CECR2: variants seen among roughly 807,000 people sequenced by gnomAD.
CECR2 encodes the protein CECR2 histone acetyl-lysine reader, also known as chromatin remodeling regulator CECR2.
A neutral mutation model predicts 154.5 loss-of-function variants in CECR2; 30 were observed. The observed-to-expected ratio is 0.19, with a 90% CI of 0.15 to 0.26. The LOEUF is 0.26. Among genes scored for constraint, CECR2 ranks in the 10% least tolerant of loss-of-function variants. The pLI is 1.00. For synonymous variants in CECR2, 725 were observed against 683.7 expected (o/e 1.06, Z -0.94); for missense variants, 1,743 against 1,829.3 (o/e 0.95, Z 0.86).
intron 15 of CECR2, 81 bp from the exon 16 acceptor site, chr22:17,542,076 G>C: frequency 6.4e-7 from 1 of 1,571,320 alleles, no homozygotes; most frequent in South Asian, 1.2e-5. Flanking sequence ...TTCCCAAAGA[G>C]TCTGTTCCCA....
At chr22:17,447,433 G>A (rs1248211335) in intron 1 of CECR2, among the ~76,000 whole-genome samples, 2 of 151,838 alleles carry the variant, frequency 1.3e-5, no homozygotes, top group African/African-American at 4.8e-5. Context: ...GATTACAGGC[G>A]TGAGCCACCG....
intron 1 of CECR2, among the ~76,000 whole-genome samples, chr22:17,439,561 G>T (rs1167389394): frequency 6.6e-6 from 1 of 151,998 alleles, no homozygotes; most frequent in Admixed American, 6.6e-5. Flanking sequence ...TATCTGAAAA[G>T]ATCTGACTGG....
intron 1 of CECR2, among the ~76,000 whole-genome samples, chr22:17,376,016 G>A (rs1256661426): frequency 6.6e-6 from 1 of 151,536 alleles, no homozygotes; most frequent in Admixed American, 6.6e-5. Context: ...TAACATACTA[G>A]AGGATAAAAT....
intron 7 of CECR2, among the ~76,000 whole-genome samples, chr22:17,509,163 A>G (rs1488244334): frequency 6.6e-6 from 1 of 152,178 alleles, no homozygotes; most frequent in African/African-American, 2.4e-5. Context: ...AGGCAGAAGC[A>G]TTGCTTGAAC....
At chr22:17,404,739 T>C (rs182173131) in intron 1 of CECR2, among the ~76,000 whole-genome samples, 20 of 152,322 alleles carry the variant, frequency 1.3e-4, no homozygotes, top group Admixed American at 1.2e-3. Flanking sequence ...GTATCTTAAT[T>C]AGTGCAGCTT....
At chr22:17,451,450 A>G (rs2054768854) in intron 1 of CECR2, among the ~76,000 whole-genome samples, 1 of 152,166 alleles carries the variant, frequency 6.6e-6, no homozygotes, top group Non-Finnish European at 1.5e-5. Context: ...GCATAGCTCA[A>G]GGGGAAGCTA....
At position 17,542,448 on chromosome 22, in the gene CECR2, G is replaced by C; in HGVS notation, c.2305G>C (p.Val769Leu). The C allele has an allele frequency of 6.2e-7, 1 of 1,613,958 alleles. No individual in the cohort carries two copies. Among genetic ancestry groups the C allele is most frequent in the Non-Finnish European group, 8.5e-7 (1 of 1,179,892 alleles). ...TCGATCGTACAAGTACCTGAATCGA[G>C]TACACTCTGCCGTCTGGAATGGGAA... ...MYRSYKYLNR[V>L]HSAVWNGNHG... Residue 769 changes from valine (V) to leucine (L), a missense_variant, in exon 16 of 19, where the codon GTA (valine) becomes CTA (leucine). This residue lies in a region of CECR2 where 1,250 missense variants were observed against 1,192.1 expected (regional missense o/e 1.05). Transcript: ENST00000262608.
intron 1 of CECR2, among the ~76,000 whole-genome samples, chr22:17,405,171 AAGCTG>A (rs1478468468): frequency 6.6e-6 from 1 of 152,180 alleles, no homozygotes; most frequent in Admixed American, 6.5e-5. Flanking sequence ...GCACTTTGGG[AAGCTG>A]AGGCAGGCGG....
In CECR2 at chr22:17,549,209, C is replaced by T. The variant is rs751578696; in HGVS notation, c.3922C>T (p.Arg1308Trp). 20 of 1,613,916 alleles carry T rather than the reference C, an allele frequency of 1.2e-5. No individual in the cohort carries two copies. Among genetic ancestry groups the T allele is most frequent in the African/African-American group, 1.1e-4 (8 of 74,934 alleles). Residue 1308 changes from arginine (R) to tryptophan (W), a missense_variant, in exon 17 of 19, where the codon CGG becomes TGG. Physicochemically the swap from Arg to Trp is moderately radical, Grantham distance 101 (BLOSUM62 -3). This residue lies in a region of CECR2 where 1,250 missense variants were observed against 1,192.1 expected (regional missense o/e 1.05). Coordinates refer to ENST00000262608, the MANE Select transcript of CECR2 (RefSeq NM_001290047.2). ...DLDNHNAATKRQSSLSASEYL... is the reference protein window; with the variant it reads ...DLDNHNAATKWQSSLSASEYL... ...GGACAACCATAACGCAGCTACCAAG[C>T]GGCAGAGCTCGTTGTCAGCCAGCGA...
At chr22:17,540,083 T>A (rs959403309) in intron 13 of CECR2, among the ~76,000 whole-genome samples, 8 of 152,336 alleles carry the variant, frequency 5.3e-5, no homozygotes, top group African/African-American at 1.7e-4. Flanking sequence ...TCCTCCTGCC[T>A]TGGCCTCCCA....
Position 17,378,044 on chromosome 22 carries a change from C to T in CECR2, c.126+8135C>T, listed in dbSNP as rs1285717758. 6.0e-5 allele frequency among the ~76,000 whole-genome samples: 9 copies of T among 150,582 alleles called. No individual in the cohort carries two copies. In the South Asian group the frequency reaches 8.6e-4, roughly 14 times the overall value. Reference sequence around the variant, plus strand: ...TGTTGCCCAGGCTGGAGTGCAGTGGCGCTATCTTGGCTCACTGCAACCTCC... The same window carrying T: ...TGTTGCCCAGGCTGGAGTGCAGTGGTGCTATCTTGGCTCACTGCAACCTCC... On this transcript the variant is annotated intron_variant, in intron 1 of 18. Coordinates refer to ENST00000262608, the MANE Select transcript of CECR2 (RefSeq NM_001290047.2).
At chr22:17,538,279 G>C (rs2093673445) in intron 10 of CECR2, among the ~76,000 whole-genome samples, 1 of 152,204 alleles carries the variant, frequency 6.6e-6, no homozygotes, top group South Asian at 2.1e-4. Flanking sequence ...TAAAGTTCTG[G>C]ATCATCCAGG....
At position 17,548,979 on chromosome 22, in the gene CECR2, C is replaced by A; in HGVS notation, c.3692C>A (p.Pro1231His). Residue 1231 changes from proline (P) to histidine (H), a missense_variant, in exon 17 of 19, where the codon CCC becomes CAC. This residue lies in a region of CECR2 where 1,250 missense variants were observed against 1,192.1 expected (regional missense o/e 1.05). Coordinates refer to ENST00000262608, the MANE Select transcript of CECR2 (RefSeq NM_001290047.2). Reference sequence around the variant, plus strand: ...AGCGGACCCCCAGCCAGTCAGCCTCCCCCACCAAGGTCCCTCTTCTCAGAT... The same window carrying A: ...AGCGGACCCCCAGCCAGTCAGCCTCACCCACCAAGGTCCCTCTTCTCAGAT... ...SPSGPPASQP[P>H]PPRSLFSDKN... 6.2e-7 allele frequency: 1 copy of A among 1,613,978 alleles called. No individual in the cohort carries two copies. Among genetic ancestry groups the A allele is most frequent in the Non-Finnish European group, 8.5e-7 (1 of 1,179,890 alleles).
chr22:17,406,368 C>G (rs1020185557), intron 1 of CECR2, among the ~76,000 whole-genome samples: 2 of 151,900 alleles, frequency 1.3e-5, no homozygotes, highest in African/African-American at 2.4e-5. Flanking sequence ...TAAAAAAATG[C>G]AAAAATTAGC....
chr22:17,550,744 C>T (rs2056695240), intron 17 of CECR2, among the ~76,000 whole-genome samples: 1 of 152,176 alleles, frequency 6.6e-6, no homozygotes, highest in Non-Finnish European at 1.5e-5. Flanking sequence ...AGATTGAGAC[C>T]ATCCTGGCTA....
chr22:17,549,757 A>G (rs970894541), intron 17 of CECR2, among the ~76,000 whole-genome samples, 193 bp downstream of exon 17: 1 of 142,768 alleles, frequency 7.0e-6, no homozygotes, highest in Non-Finnish European at 1.5e-5. Context: ...GACTACACAC[A>G]TGCCACCACA....
At chr22:17,457,880 C>T (rs2054878411) in intron 1 of CECR2, among the ~76,000 whole-genome samples, 1 of 152,136 alleles carries the variant, frequency 6.6e-6, no homozygotes, top group African/African-American at 2.4e-5. Flanking sequence ...GGAAATTGTG[C>T]TGAGTGAAAG....
intron 1 of CECR2, among the ~76,000 whole-genome samples, chr22:17,381,038 G>C (rs1190391722): frequency 3.1e-5 from 4 of 130,062 alleles, no homozygotes; most frequent in Non-Finnish European, 3.1e-5. Flanking sequence ...TTAGGTGTGG[G>C]GACAATTTTT....
intron 7 of CECR2, among the ~76,000 whole-genome samples, chr22:17,506,001 C>A (rs1033521468): frequency 6.6e-6 from 1 of 151,918 alleles, no homozygotes; most frequent in African/African-American, 2.4e-5. Context: ...CGTGCCACCA[C>A]ACCCAGCTAA....
Sources: gnomAD v4.1 joint callset for allele counts (sites outside exome capture counted in the v4.1 genomes callset) on GRCh38, gnomAD v4.1.1 for gene constraint, gnomAD v4.1.1 regional missense constraint, MANE v1.5 for transcripts, NCBI Gene and HGNC (gene_info 2026-07-23, HGNC 2026-07-21) for gene names.